The following KCNAB1 variants were observed in gnomAD, a reference collection of about 807,000 sequenced individuals.
KCNAB1 encodes the protein voltage-gated potassium channel subunit beta-1.
Under a neutral mutation model 64.6 loss-of-function variants are expected in KCNAB1, and 35 were observed. The observed-to-expected ratio is 0.54, with a 90% confidence interval of 0.41 to 0.72. The LOEUF is 0.72. Among genes scored for constraint, KCNAB1 ranks in the 30% least tolerant of loss-of-function variants. KCNAB1 has a pLI of 0.00. For missense variants in KCNAB1, 401 were observed against 512.9 expected (o/e 0.78, Z 2.11); for synonymous variants, 177 against 183.8 (o/e 0.96, Z 0.30).
At chr3:156,137,767 A>T (rs909582139) in intron 1 of KCNAB1, among the ~76,000 whole-genome samples, 2 of 149,560 alleles carry the variant, frequency 1.3e-5, no homozygotes, top group African/African-American at 4.9e-5. Context: ...TGTTAGCCAG[A>T]CTGGTCTCGA....
intron 1 of KCNAB1, among the ~76,000 whole-genome samples, chr3:156,380,930 C>G (rs1712107329): frequency 1.3e-5 from 2 of 152,008 alleles, no homozygotes; most frequent in South Asian, 4.2e-4. Context: ...AACAAAGAGC[C>G]ACTATAATAG....
At chr3:156,486,512 A>G (rs996872739) in intron 8 of KCNAB1, among the ~76,000 whole-genome samples, 2 of 152,098 alleles carry the variant, frequency 1.3e-5, no homozygotes, top group Non-Finnish European at 2.9e-5. Flanking sequence ...CATTACCCCC[A>G]TGACTGGGGA....
At chr3:156,363,967 A>G (rs1725786189) in intron 1 of KCNAB1, among the ~76,000 whole-genome samples, 1 of 152,212 alleles carries the variant, frequency 6.6e-6, no homozygotes, top group African/African-American at 2.4e-5. Flanking sequence ...GTTCAGTGCT[A>G]TGATTTAGGT....
intron 1 of KCNAB1, among the ~76,000 whole-genome samples, chr3:156,204,502 A>G (rs1388682373): frequency 6.6e-6 from 1 of 152,216 alleles, no homozygotes; most frequent in Non-Finnish European, 1.5e-5. Context: ...TAGAACTGAC[A>G]TAAATTCTCT....
intron 1 of KCNAB1, among the ~76,000 whole-genome samples, chr3:156,199,405 G>C (rs1431201190): frequency 1.3e-5 from 2 of 152,170 alleles, no homozygotes; most frequent in Non-Finnish European, 2.9e-5. Context: ...ATATCCTGAA[G>C]AGTGTTTTCC....
intron 1 of KCNAB1, among the ~76,000 whole-genome samples, chr3:156,314,950 G>A (rs945573349): frequency 2.0e-5 from 3 of 152,146 alleles, no homozygotes; most frequent in Non-Finnish European, 2.9e-5. Flanking sequence ...GGAGATGGAG[G>A]TTGCAGTGAG....
chr3:156,421,682 G>A (rs773180503), intron 2 of KCNAB1, 23 bp downstream of exon 2: 1 of 1,611,568 alleles, frequency 6.2e-7, no homozygotes, highest in Admixed American at 1.7e-5. Context: ...GGTGTGACCT[G>A]GGGGTGGGCT....
chr3:156,531,554 C>A, intron 13 of KCNAB1, 57 bp downstream of exon 13: 1 of 1,270,132 alleles, frequency 7.9e-7, no homozygotes, highest in Non-Finnish European at 1.2e-6. Flanking sequence ...TTGAGGCTAT[C>A]TCCAGGCAGT....
At chr3:156,420,633 A>G (rs545681040) in intron 1 of KCNAB1, among the ~76,000 whole-genome samples, 2 of 152,338 alleles carry the variant, frequency 1.3e-5, no homozygotes, top group South Asian at 2.1e-4. Flanking sequence ...AAAGCCTTTT[A>G]TCAGAGAATA....
intron 1 of KCNAB1, among the ~76,000 whole-genome samples, chr3:156,375,213 G>A (rs756283454): frequency 7.4e-6 from 1 of 135,544 alleles, no homozygotes; most frequent in Non-Finnish European, 1.5e-5. Flanking sequence ...TAATAGAGCT[G>A]GTGAGTGACA....
chr3:156,483,076 C>T (rs772231593), intron 8 of KCNAB1, among the ~76,000 whole-genome samples: 2 of 152,098 alleles, frequency 1.3e-5, no homozygotes, highest in African/African-American at 2.4e-5. Flanking sequence ...AAGAACCCAG[C>T]TACTTAAATC....
chr3:156,309,978 A>G lies in KCNAB1; in HGVS notation c.276-111638A>G, dbSNP rs1337250731. Among the ~76,000 whole-genome samples the G allele has an allele frequency of 2.6e-5, 4 of 152,236 alleles. No homozygotes were observed. The East Asian group carries it at 7.7e-4, about 29-fold the overall frequency. On this transcript the variant is annotated intron_variant, in intron 1 of 13. Transcript: ENST00000490337. ...GATTAGTCCTGTGCGTTCTGTTCACACAGCTGCCAAGTACCTCCAACAGGG... is the reference window on the plus strand; with the variant it reads ...GATTAGTCCTGTGCGTTCTGTTCACGCAGCTGCCAAGTACCTCCAACAGGG...
At chr3:156,411,005 T>C (rs1394267676) in intron 1 of KCNAB1, among the ~76,000 whole-genome samples, 3 of 152,222 alleles carry the variant, frequency 2.0e-5, no homozygotes, top group South Asian at 2.1e-4. Flanking sequence ...TGTTGAACTT[T>C]GTAAGAAACC....
At chr3:156,439,725 C>G (rs1252108009) in intron 2 of KCNAB1, among the ~76,000 whole-genome samples, 1 of 152,200 alleles carries the variant, frequency 6.6e-6, no homozygotes, top group Admixed American at 6.5e-5. Context: ...CCAGGAGTGC[C>G]CTCTGGGAAC....
chr3:156,145,007 C>T (rs180971146), intron 1 of KCNAB1, among the ~76,000 whole-genome samples: 32 of 152,278 alleles, frequency 2.1e-4, no homozygotes, highest in Middle Eastern at 3.4e-3. Context: ...TTGGAGCCCA[C>T]CTGCTTGAGG....
At chr3:156,396,014 A>G (rs1713439841) in intron 1 of KCNAB1, among the ~76,000 whole-genome samples, 1 of 152,180 alleles carries the variant, frequency 6.6e-6, no homozygotes, top group Non-Finnish European at 1.5e-5. Context: ...AAGTCGAAAC[A>G]ATTTACTGGT....
chr3:156,203,376 TG>T (rs990373634), intron 1 of KCNAB1, among the ~76,000 whole-genome samples: 1 of 152,228 alleles, frequency 6.6e-6, no homozygotes, highest in Non-Finnish European at 1.5e-5. Flanking sequence ...AGCTCACTCC[TG>T]AAACAAAAGC....
intron 1 of KCNAB1, among the ~76,000 whole-genome samples, chr3:156,139,584 G>GTTTTTTTTTTTTTTTTTTTTTTTT (rs386398329): frequency 1.8e-5 from 1 of 55,248 alleles, no homozygotes; most frequent in Non-Finnish European, 3.2e-5. Context: ...ATTGTACTGT[G>GTTTTTTTTTTTTTTTTTTTTTTTT]TTTTTTTTTT....
chr3:156,373,518 A>G (rs1432379100), intron 1 of KCNAB1, among the ~76,000 whole-genome samples: 1 of 152,244 alleles, frequency 6.6e-6, no homozygotes, highest in Non-Finnish European at 1.5e-5. Flanking sequence ...CAGAAGCTGA[A>G]GTGCATTTTA....
Sources: allele counts gnomAD v4.1 joint callset (sites outside exome capture counted in the v4.1 genomes callset), GRCh38; gene constraint gnomAD v4.1.1; transcripts MANE v1.5; gene names NCBI Gene and HGNC (gene_info 2026-07-23, HGNC 2026-07-21).